Variants in PARP8 observed in about 807,000 individuals in gnomAD.
PARP8 encodes the protein protein mono-ADP-ribosyltransferase PARP8.
In PARP8, 51 loss-of-function variants were observed where a neutral mutation model predicts 124.1. The observed-to-expected ratio is 0.41, with a 90% confidence interval of 0.33 to 0.52. The LOEUF (loss-of-function observed/expected upper bound fraction) is 0.52, where lower values mean the gene tolerates loss of function less well. PARP8 is among the 20% of genes least tolerant of loss of function. The probability of loss-of-function intolerance (pLI) is 0.21; values close to 1 mark genes in which losing one functional copy is unlikely to be tolerated. For missense variants in PARP8, 860 were observed against 1,018.9 expected (o/e 0.84, Z 2.12); for synonymous variants, 391 against 361.5 (o/e 1.08, Z -0.93).
intron 2 of PARP8, among the ~76,000 whole-genome samples, chr5:50,698,228 A>G (rs1329689128): frequency 1.3e-5 from 2 of 152,294 alleles, no homozygotes; most frequent in African/African-American, 2.4e-5. Flanking sequence ...AGATAAGAAA[A>G]CCTCAGAGAA....
chr5:50,791,003 C>T (rs899651778), intron 10 of PARP8, among the ~76,000 whole-genome samples: 2 of 152,000 alleles, frequency 1.3e-5, no homozygotes, highest in Non-Finnish European at 2.9e-5. Context: ...TAATTTCATC[C>T]TCACAATAAT....
chr5:50,730,555 C>G (rs1423830523), intron 2 of PARP8, among the ~76,000 whole-genome samples: 1 of 152,168 alleles, frequency 6.6e-6, no homozygotes, highest in Non-Finnish European at 1.5e-5. Flanking sequence ...CCTCCTATGA[C>G]ACGTGGAGAT....
chr5:50,803,573 A>T (rs1743475418), intron 14 of PARP8, among the ~76,000 whole-genome samples: 2 of 151,800 alleles, frequency 1.3e-5, no homozygotes, highest in Admixed American at 6.6e-5. Flanking sequence ...ACCTATCTTC[A>T]AGTTCACTGA....
chr5:50,733,739 A>T (rs763683290), intron 2 of PARP8, among the ~76,000 whole-genome samples: 7 of 152,282 alleles, frequency 4.6e-5, no homozygotes, highest in Non-Finnish European at 1.0e-4. Flanking sequence ...TTTACATCAT[A>T]TTCAAACTTT....
At chr5:50,800,778 CAG>C (rs1162484077) in intron 14 of PARP8, among the ~76,000 whole-genome samples, 1 of 135,814 alleles carries the variant, frequency 7.4e-6, no homozygotes, top group African/African-American at 2.7e-5. Context: ...TTTTTTGAAA[CAG>C]GGGTCTTACT....
chr5:50,677,768 TTAGTATGGCGA>T (rs1485266422), intron 2 of PARP8, among the ~76,000 whole-genome samples: 3 of 152,102 alleles, frequency 2.0e-5, no homozygotes, highest in Non-Finnish European at 1.5e-5. Flanking sequence ...AGTAAAAAAT[TTAGTATGGCGA>T]TAGTTTTCAT....
intron 10 of PARP8, among the ~76,000 whole-genome samples, chr5:50,789,203 GT>G (rs1298799969): frequency 4.0e-5 from 6 of 151,876 alleles, no homozygotes; most frequent in Non-Finnish European, 7.4e-5. Flanking sequence ...CCTTGATTTT[GT>G]TTTATGATCT....
chr5:50,779,220 C>G (rs1740385028), intron 9 of PARP8, among the ~76,000 whole-genome samples: 1 of 151,902 alleles, frequency 6.6e-6, no homozygotes, highest in East Asian at 1.9e-4. Flanking sequence ...CATGCACACA[C>G]ACGCATGCAC....
chr5:50,789,726 A>G (rs1351736931), intron 10 of PARP8, among the ~76,000 whole-genome samples: 1 of 152,230 alleles, frequency 6.6e-6, no homozygotes, highest in Non-Finnish European at 1.5e-5. Flanking sequence ...CTAGAGGATT[A>G]TTCTTCCAAA....
At chr5:50,772,385 G>T (rs543866422) in intron 7 of PARP8, among the ~76,000 whole-genome samples, 1 of 152,304 alleles carries the variant, frequency 6.6e-6, no homozygotes, top group South Asian at 2.1e-4. Flanking sequence ...GAACTGCTGG[G>T]CCACATGGTG....
intron 1 of PARP8, chr5:50,667,515 C>G (rs1749444299): frequency 2.9e-6 from 2 of 697,182 alleles, no homozygotes; most frequent in African/African-American, 3.7e-5. Flanking sequence ...TCCTGGGTTC[C>G]AGCAGCGGCG....
chr5:50,688,503 G>A (rs1226474177), intron 2 of PARP8, among the ~76,000 whole-genome samples: 1 of 152,180 alleles, frequency 6.6e-6, no homozygotes, highest in Non-Finnish European at 1.5e-5. Context: ...AATGCATGTG[G>A]TGGGGATAAT....
At chr5:50,679,579 A>G (rs1483465764) in intron 2 of PARP8, among the ~76,000 whole-genome samples, 1 of 152,160 alleles carries the variant, frequency 6.6e-6, no homozygotes, top group African/African-American at 2.4e-5. Context: ...ATTCTGATAC[A>G]TTTGGCAATT....
At chr5:50,828,729 TTA>T (rs60312448) in intron 21 of PARP8, among the ~76,000 whole-genome samples, 284 of 145,942 alleles carry the variant, frequency 1.9e-3, no homozygotes, top group African/African-American at 5.0e-3. Flanking sequence ...AAAATACAAA[TTA>T]TATATATATA....
chr5:50,731,432 CTTGT>C (rs1756965319), intron 2 of PARP8, among the ~76,000 whole-genome samples: 1 of 152,224 alleles, frequency 6.6e-6, no homozygotes, highest in East Asian at 1.9e-4. Flanking sequence ...TGTGCATTTG[CTTGT>C]ACAGGTCTGG....
intron 19 of PARP8, among the ~76,000 whole-genome samples, chr5:50,827,400 T>C (rs1746466037): frequency 6.6e-6 from 1 of 152,136 alleles, no homozygotes; most frequent in African/African-American, 2.4e-5. Flanking sequence ...TTCAAGCTAT[T>C]AATCCAAAAG....
Position 50,747,761 on chromosome 5 carries a change from C to CTTTTTTT in PARP8, c.147-2367_147-2361dup, listed in dbSNP as rs70972943. On this transcript the variant is annotated intron_variant, in intron 2 of 25. Transcript: ENST00000281631. ...TCTCTCAAAGATAGGATAGACCTTGCTTTTTTTTTTTTTTTTTTTTTTTTT... is the reference window on the plus strand; with the variant it reads ...TCTCTCAAAGATAGGATAGACCTTGCTTTTTTTTTTTTTTTTTTTTTTTTTTTTTTTT... Among the ~76,000 whole-genome samples the CTTTTTTT allele has an allele frequency of 8.3e-4, 44 of 52,932 alleles. 12 individuals carry two copies. The highest frequency in any genetic ancestry group is 1.0e-3 in the Non-Finnish European group (23 of 22,498). 34.7% of individuals were successfully genotyped at this position (52,932 alleles called of 152,430 possible).
Position 50,830,256 on chromosome 5 carries a change from G to A in PARP8, c.2233+295G>A, listed in dbSNP as rs963447903. On this transcript the variant is annotated intron_variant, in intron 22 of 25. Coordinates refer to ENST00000281631, the MANE Select transcript of PARP8 (RefSeq NM_024615.4). Reference sequence around the variant, plus strand: ...ATAATATATGCAAAGCACTATGTAGGGCACTGAGAAGTACACATACATAAT... The same window carrying A: ...ATAATATATGCAAAGCACTATGTAGAGCACTGAGAAGTACACATACATAAT... 5.9e-5 allele frequency among the ~76,000 whole-genome samples: 9 copies of A among 152,114 alleles called. No homozygotes were observed. The South Asian group carries it at 1.7e-3, about 28-fold the overall frequency.
At chr5:50,729,821 C>T (rs1277407702) in intron 2 of PARP8, among the ~76,000 whole-genome samples, 1 of 152,132 alleles carries the variant, frequency 6.6e-6, no homozygotes, top group Non-Finnish European at 1.5e-5. Context: ...CATAAAAATA[C>T]TCATTGGTTT....
Sources: gnomAD v4.1 joint callset for allele counts (sites outside exome capture counted in the v4.1 genomes callset) on GRCh38, gnomAD v4.1.1 for gene constraint, MANE v1.5 for transcripts, NCBI Gene and HGNC (gene_info 2026-07-23, HGNC 2026-07-21) for gene names.